CAMK4: variants seen among roughly 807,000 people sequenced by gnomAD.
CAMK4 encodes calcium/calmodulin dependent protein kinase IV, also known as calcium/calmodulin-dependent protein kinase type IV.
CAMK4 carries 22 observed loss-of-function variants against 44.9 expected under a neutral mutation model. The ratio of observed to expected loss-of-function variants is 0.49; its 90% confidence interval spans 0.35 to 0.70. The LOEUF (loss-of-function observed/expected upper bound fraction) is 0.70. CAMK4 is among the 30% of genes least tolerant of loss of function. CAMK4 has a pLI of 0.01. For missense variants in CAMK4, 498 were observed against 586.8 expected, an observed-to-expected ratio of 0.85 and a Z score of 1.56; for synonymous variants, 218 against 215.4, an observed-to-expected ratio of 1.01 and a Z score of -0.11.
chr5:111,282,037 C>T (rs192114693), intron 1 of CAMK4, among the ~76,000 whole-genome samples: 49 of 149,638 alleles, frequency 3.3e-4, no homozygotes, highest in South Asian at 2.7e-3. Context: ...CCAGCCTGGG[C>T]GACAGCGAGA....
intron 2 of CAMK4, among the ~76,000 whole-genome samples, chr5:111,372,050 A>G (rs1050534171): frequency 5.9e-5 from 9 of 152,188 alleles, no homozygotes. Flanking sequence ...GCTATTTGGT[A>G]GGGCCCATTT....
intron 1 of CAMK4, among the ~76,000 whole-genome samples, chr5:111,226,236 G>A (rs1379283280): frequency 6.6e-6 from 1 of 152,096 alleles, no homozygotes; most frequent in Non-Finnish European, 1.5e-5. Flanking sequence ...TCATCGTCAT[G>A]AAACTCAAGA....
intron 1 of CAMK4, among the ~76,000 whole-genome samples, chr5:111,247,041 C>T (rs1335467158): frequency 1.3e-5 from 2 of 151,984 alleles, no homozygotes; most frequent in African/African-American, 4.8e-5. Context: ...TTATGGAAAA[C>T]ATTAGTTCCT....
chr5:111,232,360 G>C (rs999442300), intron 1 of CAMK4, among the ~76,000 whole-genome samples: 3 of 152,124 alleles, frequency 2.0e-5, no homozygotes, highest in African/African-American at 7.2e-5. Context: ...GTGTCTTTAT[G>C]GGGGAGGGGT....
intron 8 of CAMK4, among the ~76,000 whole-genome samples, chr5:111,476,732 C>A (rs75213705): frequency 6.6e-6 from 1 of 152,140 alleles, no homozygotes; most frequent in Non-Finnish European, 1.5e-5. Context: ...AACCCTCTTC[C>A]CCTACAGACA....
rs547784850 is a variant in CAMK4, at chr5:111,312,595, A to G, written c.162-31429A>G. ...GTCTTCCTTGACTTCTTTCTTATGG[A>G]ATATTCTGAAGTTTCTAGTGGCAGC... On this transcript the variant is annotated intron_variant, in intron 1 of 10. Coordinates refer to ENST00000282356, the MANE Select transcript of CAMK4 (RefSeq NM_001744.6). Among the ~76,000 whole-genome samples, 255 of 152,214 alleles carry G rather than the reference A, an allele frequency of 1.7e-3. 1 individual carries two copies. The highest frequency in any genetic ancestry group is 2.9e-3 in the Non-Finnish European group (195 of 67,994).
At chr5:111,398,732 C>T (rs1752113188) in intron 5 of CAMK4, among the ~76,000 whole-genome samples, 1 of 152,148 alleles carries the variant, frequency 6.6e-6, no homozygotes, top group Admixed American at 6.5e-5. Flanking sequence ...CTCTCATTCA[C>T]TGATACCAGC....
intron 1 of CAMK4, among the ~76,000 whole-genome samples, chr5:111,289,239 G>T (rs1032583562): frequency 1.3e-5 from 2 of 152,170 alleles, no homozygotes; most frequent in African/African-American, 4.8e-5. Context: ...CCAGCTATTC[G>T]GGAGGCTGAG....
chr5:111,421,762 C>A (rs1263701457), intron 5 of CAMK4, among the ~76,000 whole-genome samples: 1 of 152,066 alleles, frequency 6.6e-6, no homozygotes, highest in Non-Finnish European at 1.5e-5. Flanking sequence ...GGCTGTGTCT[C>A]CACCCAAATC....
rs1285336176 is a variant in CAMK4 at position 111,301,136 on chromosome 5, C to T, written c.162-42888C>T. ...TTTTGTAAGACATATGACCCCCCTC[C>T]TTAACGTACTAGGTCTGGGCATCTT... On this transcript the variant is annotated intron_variant, in intron 1 of 10. Transcript: ENST00000282356. Among the ~76,000 whole-genome samples, 6 of 152,066 alleles carry T rather than the reference C, an allele frequency of 3.9e-5. 1 individual carries two copies. The South Asian group carries it at 1.2e-3, about 32-fold the overall frequency.
At chr5:111,264,220 C>T (rs1750127033) in intron 1 of CAMK4, among the ~76,000 whole-genome samples, 1 of 152,030 alleles carries the variant, frequency 6.6e-6, no homozygotes, top group Non-Finnish European at 1.5e-5. Context: ...GCACAGGTGC[C>T]TTGGGGATTG....
At chr5:111,419,361 A>G (rs1207359380) in intron 5 of CAMK4, among the ~76,000 whole-genome samples, 2 of 152,120 alleles carry the variant, frequency 1.3e-5, no homozygotes, top group Non-Finnish European at 2.9e-5. Flanking sequence ...TCAGATGAGT[A>G]GGTTGTGAAA....
intron 1 of CAMK4, among the ~76,000 whole-genome samples, chr5:111,286,125 C>T (rs975897418): frequency 6.6e-6 from 1 of 152,146 alleles, no homozygotes; most frequent in African/African-American, 2.4e-5. Flanking sequence ...TTCAGTGAAA[C>T]CCATATTCCA....
At chr5:111,434,467 G>C (rs1753576896) in intron 5 of CAMK4, among the ~76,000 whole-genome samples, 1 of 152,176 alleles carries the variant, frequency 6.6e-6, no homozygotes, top group South Asian at 2.1e-4. Context: ...AAACAAGTAA[G>C]AATGTCTCAG....
chr5:111,338,874 G>A (rs2161423), intron 1 of CAMK4, among the ~76,000 whole-genome samples: 16,260 of 149,950 alleles, frequency 0.11, 1,449 homozygotes, highest in African/African-American at 0.24. Context: ...TCCTTGTAGC[G>A]TATTTTGAAG....
At chr5:111,444,657 C>T (rs985496709) in intron 5 of CAMK4, among the ~76,000 whole-genome samples, 1 of 152,134 alleles carries the variant, frequency 6.6e-6, no homozygotes, top group African/African-American at 2.4e-5. Flanking sequence ...TATCTGTTTC[C>T]CCAAATCACG....
At chr5:111,373,635 AC>A (rs1332072036) in intron 2 of CAMK4, among the ~76,000 whole-genome samples, 1 of 152,084 alleles carries the variant, frequency 6.6e-6, no homozygotes, top group Admixed American at 6.6e-5. Flanking sequence ...CCTGAGGTCA[AC>A]CTTTTCTTCC....
At chr5:111,277,393 C>G (rs1330841274) in intron 1 of CAMK4, 1 of 152,214 alleles carries the variant, frequency 6.6e-6, no homozygotes, top group Non-Finnish European at 1.5e-5. Flanking sequence ...TAATATATCA[C>G]AGAAACTCCC....
At chr5:111,393,681 CAG>C (rs561346528) in intron 4 of CAMK4, among the ~76,000 whole-genome samples, 1 of 151,844 alleles carries the variant, frequency 6.6e-6, no homozygotes, top group Non-Finnish European at 1.5e-5. Context: ...TACATGGACA[CAG>C]AGAGGAACAA....
Sources: gnomAD v4.1 joint callset for allele counts (sites outside exome capture counted in the v4.1 genomes callset) on GRCh38, gnomAD v4.1.1 for gene constraint, MANE v1.5 for transcripts, NCBI Gene and HGNC (gene_info 2026-07-23, HGNC 2026-07-21) for gene names.